Variants in SAMD3 observed in about 807,000 individuals in gnomAD.
SAMD3 encodes sterile alpha motif domain containing 3, also known as sterile alpha motif domain-containing protein 3.
SAMD3 carries 63 observed loss-of-function variants against 58.5 expected under a neutral mutation model. The ratio of observed to expected loss-of-function variants is 1.08; its 90% CI spans 0.88 to 1.33. The LOEUF is 1.33. Ranked by LOEUF, SAMD3 falls within the 40% of genes most tolerant of loss-of-function variation. SAMD3 has a pLI of 0.00. For synonymous variants in SAMD3, 220 were observed against 210.3 expected (o/e 1.05, Z -0.40); for missense variants, 604 against 608.4 (o/e 0.99, Z 0.08).
chr6:130,276,743 G>A (rs763620788), intron 2 of SAMD3, among the ~76,000 whole-genome samples: 1 of 152,002 alleles, frequency 6.6e-6, no homozygotes, highest in Non-Finnish European at 1.5e-5. Context: ...ATTAATGCAG[G>A]GTTAGCCAAG....
At chr6:130,220,149 G>A (rs769783725) in intron 1 of SAMD3, among the ~76,000 whole-genome samples, 2 of 152,018 alleles carry the variant, frequency 1.3e-5, no homozygotes, top group Non-Finnish European at 2.9e-5. Flanking sequence ...TTACAGACGC[G>A]TGCCACCATG....
chr6:130,152,789 G>A (rs1278902037), intron 9 of SAMD3, among the ~76,000 whole-genome samples: 1 of 152,176 alleles, frequency 6.6e-6, no homozygotes, highest in Admixed American at 6.5e-5. Flanking sequence ...AAATACTTGA[G>A]GAATGGTGCG....
At chr6:130,288,008 C>T (rs1441735262) in intron 2 of SAMD3, among the ~76,000 whole-genome samples, 2 of 151,548 alleles carry the variant, frequency 1.3e-5, no homozygotes, top group East Asian at 1.9e-4. Flanking sequence ...CCAGGTGGCA[C>T]AAGCTTCCAG....
At chr6:130,234,351 GT>G (rs1395626152) in intron 2 of SAMD3, among the ~76,000 whole-genome samples, 3 of 151,832 alleles carry the variant, frequency 2.0e-5, no homozygotes, top group African/African-American at 7.3e-5. Context: ...TCTCTATTAG[GT>G]TCCTTGACTA....
intron 1 of SAMD3, among the ~76,000 whole-genome samples, chr6:130,218,029 C>A (rs1384196655): frequency 6.6e-6 from 1 of 152,162 alleles, no homozygotes; most frequent in Non-Finnish European, 1.5e-5. Flanking sequence ...CTGGGCAATT[C>A]TCTTGGGTAG....
At chr6:130,213,004 C>G (rs913882203) in intron 4 of SAMD3, among the ~76,000 whole-genome samples, 3 of 152,092 alleles carry the variant, frequency 2.0e-5, no homozygotes, top group Non-Finnish European at 4.4e-5. Context: ...GGTTAGGGGC[C>G]GGGCAAAGCA....
intron 8 of SAMD3, among the ~76,000 whole-genome samples, chr6:130,163,787 A>G (rs1248001756): frequency 1.3e-5 from 2 of 148,152 alleles, no homozygotes; most frequent in Non-Finnish European, 2.9e-5. Context: ...AATCCAAAGA[A>G]ACTTAGTAAA....
At chr6:130,239,474 C>A (rs947444447) in intron 2 of SAMD3, among the ~76,000 whole-genome samples, 5 of 152,010 alleles carry the variant, frequency 3.3e-5, no homozygotes, top group African/African-American at 9.7e-5. Flanking sequence ...CCAGTGAAGG[C>A]GTTTTTTGGT....
intron 1 of SAMD3, among the ~76,000 whole-genome samples, chr6:130,348,227 A>G (rs901415004): frequency 4.6e-5 from 7 of 152,192 alleles, no homozygotes; most frequent in Admixed American, 6.5e-5. Context: ...ACACATAACA[A>G]TATTAACCTT....
chr6:130,222,450 A>C (rs1796260886), intron 1 of SAMD3, among the ~76,000 whole-genome samples: 1 of 152,244 alleles, frequency 6.6e-6, no homozygotes, highest in African/African-American at 2.4e-5. Flanking sequence ...GTTAACTGCA[A>C]ATAAATTTAA....
intron 2 of SAMD3, among the ~76,000 whole-genome samples, chr6:130,281,779 G>A (rs1774989157): frequency 6.6e-6 from 1 of 151,996 alleles, no homozygotes; most frequent in South Asian, 2.1e-4. Context: ...ATTGGCCAGT[G>A]CCACTTGTCT....
intron 2 of SAMD3, among the ~76,000 whole-genome samples, chr6:130,307,748 G>A (rs1775956565): frequency 6.6e-6 from 1 of 152,298 alleles, no homozygotes; most frequent in Non-Finnish European, 1.5e-5. Flanking sequence ...GTTACAAAAT[G>A]TAGTAGGCCC....
chr6:130,159,231 C>T (rs1394067898), intron 8 of SAMD3, among the ~76,000 whole-genome samples: 9 of 152,274 alleles, frequency 5.9e-5, no homozygotes, highest in Middle Eastern at 3.4e-3. Flanking sequence ...GTTTTAAAAA[C>T]GGGAGTTTCT....
At chr6:130,319,329 T>C (rs1776502383) in intron 1 of SAMD3, among the ~76,000 whole-genome samples, 2 of 151,944 alleles carry the variant, frequency 1.3e-5, no homozygotes, top group African/African-American at 4.8e-5. Context: ...TGAAGAAAAG[T>C]ATGCAAAGAC....
chr6:130,149,444 G>T (rs1035613585), intron 9 of SAMD3, among the ~76,000 whole-genome samples: 1 of 152,148 alleles, frequency 6.6e-6, no homozygotes, highest in Non-Finnish European at 1.5e-5. Context: ...ATTCACAATA[G>T]CAATAACATG....
chr6:130,220,344 G>T (rs774601004), intron 1 of SAMD3, among the ~76,000 whole-genome samples: 1 of 152,188 alleles, frequency 6.6e-6, no homozygotes, highest in Non-Finnish European at 1.5e-5. Context: ...TATCTGGGAG[G>T]TTTAGTTAAA....
At position 130,214,809 on chromosome 6, in the gene SAMD3, A is replaced by G. The variant is rs560203410; in HGVS notation, c.80-283T>C. Among the ~76,000 whole-genome samples, 62 of 152,308 alleles carry G rather than the reference A, an allele frequency of 4.1e-4. 1 individual carries two copies. Among genetic ancestry groups the G allele is most frequent in the African/African-American group, 1.4e-3 (58 of 41,568 alleles). On this transcript the variant is annotated intron_variant, in intron 3 of 11. Coordinates refer to ENST00000439090, the MANE Select transcript of SAMD3 (RefSeq NM_001017373.4). ...ATTCTCTCTAACTGGTATTGTTTTT[A>G]TAAGGAAAAAAAACTTAGGAAATTA...
intron 1 of SAMD3, among the ~76,000 whole-genome samples, chr6:130,333,818 A>G (rs1777017291): frequency 6.6e-6 from 1 of 152,302 alleles, no homozygotes; most frequent in Non-Finnish European, 1.5e-5. Context: ...GTCACGCTTC[A>G]AGCCTGTGTG....
At chr6:130,239,801 A>G (rs532865642) in intron 2 of SAMD3, among the ~76,000 whole-genome samples, 24 of 152,220 alleles carry the variant, frequency 1.6e-4, no homozygotes, top group African/African-American at 5.3e-4. Context: ...TTTCCTTTCC[A>G]CTGCAGAAAT....
Sources: gnomAD v4.1 joint callset for allele counts (sites outside exome capture counted in the v4.1 genomes callset) on GRCh38, gnomAD v4.1.1 for gene constraint, MANE v1.5 for transcripts, NCBI Gene and HGNC (gene_info 2026-07-23, HGNC 2026-07-21) for gene names.